Variants in PPP2R5E observed in about 807,000 individuals in gnomAD.
PPP2R5E encodes the protein serine/threonine-protein phosphatase 2A 56 kDa regulatory subunit epsilon isoform.
PPP2R5E carries 4 observed loss-of-function variants against 65.3 expected under a neutral mutation model. That is an observed-to-expected ratio of 0.06 (90% CI 0.03 to 0.14). PPP2R5E has a LOEUF of 0.14. Ranked by LOEUF, PPP2R5E falls within the 10% of genes least tolerant of loss-of-function variation. The pLI is 1.00. For synonymous variants in PPP2R5E, 183 were observed against 187.4 expected, an observed-to-expected ratio of 0.98 and a Z score of 0.19; for missense variants, 274 against 556.1, an observed-to-expected ratio of 0.49 and a Z score of 5.10.
intron 2 of PPP2R5E, among the ~76,000 whole-genome samples, chr14:63,520,975 C>A (rs1351435411): frequency 1.3e-5 from 2 of 151,006 alleles, no homozygotes; most frequent in African/African-American, 4.9e-5. Flanking sequence ...GGAGGTAGAG[C>A]TTGCAGTGAG....
intron 2 of PPP2R5E, among the ~76,000 whole-genome samples, chr14:63,522,116 G>A (rs8008959): frequency 0.012 from 1,811 of 151,094 alleles, 29 homozygotes; most frequent in African/African-American, 0.042. Context: ...ACTGGTTTTC[G>A]TATTTTTTTG....
chr14:63,506,270 G>A (rs1892170353), intron 2 of PPP2R5E, among the ~76,000 whole-genome samples: 1 of 152,006 alleles, frequency 6.6e-6, no homozygotes, highest in Non-Finnish European at 1.5e-5. Flanking sequence ...CTAACATGCT[G>A]AAACCCCGTC....
intron 3 of PPP2R5E, among the ~76,000 whole-genome samples, chr14:63,445,188 T>C (rs551063489): frequency 2.0e-5 from 3 of 152,304 alleles, no homozygotes; most frequent in African/African-American, 7.2e-5. Context: ...GGACTCTTTA[T>C]GGGCTATTTT....
At chr14:63,538,377 G>A (rs967752330) in intron 2 of PPP2R5E, among the ~76,000 whole-genome samples, 8 of 151,304 alleles carry the variant, frequency 5.3e-5, no homozygotes, top group Admixed American at 6.6e-5. Flanking sequence ...CTCCTGCCTC[G>A]GCTTCCCGAG....
chr14:63,534,545 CAAGT>C (rs1404815995), intron 2 of PPP2R5E, among the ~76,000 whole-genome samples: 2 of 152,120 alleles, frequency 1.3e-5, no homozygotes, highest in Non-Finnish European at 2.9e-5. Flanking sequence ...ACTTTCTTAT[CAAGT>C]AAGTAAGGCA....
chr14:63,436,165 C>T (rs1887943526), intron 3 of PPP2R5E, among the ~76,000 whole-genome samples: 2 of 152,270 alleles, frequency 1.3e-5, no homozygotes, highest in South Asian at 2.1e-4. Context: ...TGAGTGTTTT[C>T]TGTAAAAGCC....
intron 2 of PPP2R5E, among the ~76,000 whole-genome samples, chr14:63,459,863 T>C (rs899128002): frequency 2.0e-5 from 3 of 152,216 alleles, no homozygotes; most frequent in African/African-American, 7.2e-5. Flanking sequence ...TGAAAACTTT[T>C]AGTTTCCAAG....
intron 3 of PPP2R5E, among the ~76,000 whole-genome samples, chr14:63,432,921 C>T (rs569770351): frequency 6.6e-6 from 1 of 151,640 alleles, no homozygotes; most frequent in Admixed American, 6.6e-5. Flanking sequence ...TAAATTAGAC[C>T]AAACTAAGTC....
intron 12 of PPP2R5E, among the ~76,000 whole-genome samples, chr14:63,382,549 G>A (rs564170767): frequency 2.6e-5 from 4 of 152,068 alleles, no homozygotes; most frequent in African/African-American, 9.7e-5. Flanking sequence ...TTACAGAAGC[G>A]AGCCACCACA....
chr14:63,415,024 T>C (rs1027857107), intron 5 of PPP2R5E, 116 bp downstream of exon 5: 19 of 578,924 alleles, frequency 3.3e-5, no homozygotes, highest in Non-Finnish European at 5.8e-5. Flanking sequence ...TATATATATA[T>C]ATATTTTGTG....
At chr14:63,504,501 G>A (rs1000760877) in intron 2 of PPP2R5E, among the ~76,000 whole-genome samples, 4 of 152,216 alleles carry the variant, frequency 2.6e-5, no homozygotes, top group Admixed American at 2.6e-4. Context: ...AAAATGGCTT[G>A]AACCTAGGAG....
chr14:63,409,313 A>G (rs1886266642), intron 5 of PPP2R5E, among the ~76,000 whole-genome samples: 1 of 152,140 alleles, frequency 6.6e-6, no homozygotes, highest in Admixed American at 6.5e-5. Flanking sequence ...TGGCTGAGGC[A>G]TGAAAATCAC....
chr14:63,384,092 T>C (rs1884520703), intron 12 of PPP2R5E, among the ~76,000 whole-genome samples: 1 of 152,156 alleles, frequency 6.6e-6, no homozygotes. Context: ...ACCCACTGTC[T>C]GAAAGGGCTC....
chr14:63,464,649 A>G (rs1191594131), intron 2 of PPP2R5E, among the ~76,000 whole-genome samples: 2 of 152,172 alleles, frequency 1.3e-5, no homozygotes, highest in Admixed American at 6.6e-5. Context: ...CTGAATTAGA[A>G]TCACACTTTT....
chr14:63,414,742 G>A (rs983620922), intron 5 of PPP2R5E, among the ~76,000 whole-genome samples: 5 of 151,844 alleles, frequency 3.3e-5, no homozygotes, highest in African/African-American at 1.2e-4. Flanking sequence ...CTTATGCTTT[G>A]AAGTCTGAGC....
chr14:63,497,688 C>T (rs909675550), intron 2 of PPP2R5E, among the ~76,000 whole-genome samples: 2 of 151,686 alleles, frequency 1.3e-5, no homozygotes, highest in Admixed American at 1.3e-4. Flanking sequence ...GCAGAGGTTG[C>T]AGTGAGCCAA....
intron 5 of PPP2R5E, 129 bp downstream of exon 5, chr14:63,415,011 T>TTTTA (rs142231876): frequency 2.6e-6 from 1 of 388,382 alleles, no homozygotes; most frequent in African/African-American, 2.2e-5. Flanking sequence ...TAACTTATGT[T>TTTTA]TATATATATA....
chr14:63,463,361 C>G (rs960450974), intron 2 of PPP2R5E, among the ~76,000 whole-genome samples: 2 of 150,592 alleles, frequency 1.3e-5, no homozygotes, highest in Non-Finnish European at 3.0e-5. Context: ...AGGATGGTAT[C>G]GAACTCCTGG....
chr14:63,519,286 G>A (rs1465034731), intron 2 of PPP2R5E, among the ~76,000 whole-genome samples: 2 of 152,176 alleles, frequency 1.3e-5, no homozygotes, highest in African/African-American at 2.4e-5. Context: ...GGGATCTAGA[G>A]GTGATTTATA....
Sources: allele counts gnomAD v4.1 joint callset (sites outside exome capture counted in the v4.1 genomes callset), GRCh38; gene constraint gnomAD v4.1.1; transcripts MANE v1.5; gene names NCBI Gene and HGNC (gene_info 2026-07-23, HGNC 2026-07-21).